The following SHTN1 variants were observed in gnomAD, a reference collection of about 807,000 sequenced individuals.
SHTN1 encodes the protein shootin-1.
In SHTN1, 42 loss-of-function variants were observed where a neutral mutation model predicts 83.1. The ratio of observed to expected loss-of-function variants is 0.51; its 90% confidence interval spans 0.39 to 0.65. The LOEUF (loss-of-function observed/expected upper bound fraction) is 0.65. SHTN1 is among the 30% of genes least tolerant of loss of function. The pLI, the probability that SHTN1 is intolerant of heterozygous loss-of-function variation, is 0.00. For synonymous variants in SHTN1, 224 were observed against 247.7 expected, an observed-to-expected ratio of 0.90 and a Z score of 0.90; for missense variants, 622 against 737.8, an observed-to-expected ratio of 0.84 and a Z score of 1.82.
chr10:116,904,437 C>CTT (rs779336840), intron 15 of SHTN1, among the ~76,000 whole-genome samples: 3 of 144,810 alleles, frequency 2.1e-5, no homozygotes, highest in Non-Finnish European at 3.0e-5. Context: ...TGTTTCCTTC[C>CTT]TTTTTTTTTT....
intron 1 of SHTN1, among the ~76,000 whole-genome samples, chr10:117,060,482 T>G (rs942903562): frequency 3.3e-5 from 5 of 152,192 alleles, no homozygotes; most frequent in African/African-American, 9.6e-5. Flanking sequence ...TCAATAAATT[T>G]AGAATTATTT....
rs146985126 is a variant in SHTN1 at position 117,012,094 on chromosome 10, G to A, written c.-122-32786C>T. ...GTGGAGCTTGCAGTGAGCCGAGATC[G>A]CGCCACTGCATTCCAGCCTGGGCGA... is the stretch of plus-strand genomic sequence containing the variant. On this transcript the variant is annotated intron_variant, in intron 2 of 17. Coordinates refer to the SHTN1 transcript ENST00000392901. 6.8e-4 allele frequency among the ~76,000 whole-genome samples: 102 copies of A among 149,468 alleles called. No homozygotes were observed. In the East Asian group the frequency reaches 0.018, roughly 27 times the overall value.
intron 1 of SHTN1, among the ~76,000 whole-genome samples, chr10:117,126,151 T>G (rs540385517): frequency 5.9e-5 from 9 of 152,222 alleles, no homozygotes; most frequent in Middle Eastern, 3.4e-3. Context: ...TTCCCGCCGC[T>G]CCACTGCCTT....
At chr10:117,095,783 T>A (rs1853495947) in intron 1 of SHTN1, among the ~76,000 whole-genome samples, 1 of 152,224 alleles carries the variant, frequency 6.6e-6, no homozygotes. Flanking sequence ...TTCAGGTCTC[T>A]TTTTCTTTTC....
intron 1 of SHTN1, among the ~76,000 whole-genome samples, chr10:117,089,864 A>G (rs1853403202): frequency 6.6e-6 from 1 of 152,192 alleles, no homozygotes; most frequent in Admixed American, 6.5e-5. Flanking sequence ...ACAATGAAAC[A>G]CCACCTCATA....
At chr10:116,966,624 T>TA (rs1054761023) in intron 3 of SHTN1, among the ~76,000 whole-genome samples, 10 of 152,208 alleles carry the variant, frequency 6.6e-5, no homozygotes, top group African/African-American at 2.4e-4. Context: ...AAGCAGAATT[T>TA]AAATGTTACT....
At chr10:116,992,865 TTCTC>T (rs971581139) in intron 1 of SHTN1, among the ~76,000 whole-genome samples, 8 of 152,098 alleles carry the variant, frequency 5.3e-5, no homozygotes, top group African/African-American at 1.7e-4. Flanking sequence ...GGCCTCTTTG[TTCTC>T]TCTATTGGAT....
intron 1 of SHTN1, among the ~76,000 whole-genome samples, chr10:117,098,932 C>T (rs1021966408): frequency 6.7e-6 from 1 of 149,400 alleles, no homozygotes; most frequent in African/African-American, 2.5e-5. Flanking sequence ...TTATAAAGAC[C>T]TTAACAGTAC....
intron 13 of SHTN1, among the ~76,000 whole-genome samples, chr10:116,914,803 G>A (rs1343952883): frequency 6.6e-6 from 1 of 152,182 alleles, no homozygotes; most frequent in Non-Finnish European, 1.5e-5. Flanking sequence ...TGGAGTGCTC[G>A]CTGTGGTCTA....
At chr10:117,062,248 ATTTAT>A (rs2133596260) in intron 1 of SHTN1, among the ~76,000 whole-genome samples, 1 of 152,364 alleles carries the variant, frequency 6.6e-6, no homozygotes, top group African/African-American at 2.4e-5. Context: ...GAATGATATG[ATTTAT>A]AGGTAAAAGT....
At chr10:117,082,687 C>T (rs1374293134) in intron 1 of SHTN1, among the ~76,000 whole-genome samples, 3 of 149,892 alleles carry the variant, frequency 2.0e-5, no homozygotes, top group African/African-American at 2.4e-5. Flanking sequence ...CTTTGTAGGT[C>T]ACTCAGGACT....
chr10:116,911,499 CCA>C (rs1304914211), intron 14 of SHTN1: 1 of 1,550,414 alleles, frequency 6.4e-7, no homozygotes, highest in African/African-American at 1.4e-5. Context: ...ATATGGCCAG[CCA>C]CTTCATCTTC....
At chr10:116,908,038 T>TAC (rs1362252364) in intron 14 of SHTN1, 2 of 445,236 alleles carry the variant, frequency 4.5e-6, no homozygotes, top group African/African-American at 4.1e-5. Context: ...ATCAGATGGT[T>TAC]ACAAATCTCA....
intron 16 of SHTN1, among the ~76,000 whole-genome samples, chr10:116,889,593 G>T (rs555177021): frequency 1.3e-5 from 2 of 152,236 alleles, no homozygotes; most frequent in Admixed American, 6.5e-5. Flanking sequence ...GCATGAAGAG[G>T]GGAAGGAACT....
intron 16 of SHTN1, among the ~76,000 whole-genome samples, chr10:116,895,668 T>A (rs1847492982): frequency 2.6e-5 from 4 of 152,208 alleles, no homozygotes; most frequent in Admixed American, 2.6e-4. Context: ...GAAGGAATCT[T>A]ATGGTCATTC....
intron 1 of SHTN1, among the ~76,000 whole-genome samples, chr10:117,087,529 C>T (rs1210888307): frequency 6.6e-6 from 1 of 152,048 alleles, no homozygotes; most frequent in Non-Finnish European, 1.5e-5. Flanking sequence ...GTTAGTTATA[C>T]ACATACAAAA....
chr10:116,892,359 C>T (rs1383013861), intron 16 of SHTN1, among the ~76,000 whole-genome samples: 1 of 152,208 alleles, frequency 6.6e-6, no homozygotes, highest in Non-Finnish European at 1.5e-5. Flanking sequence ...ACGATTTCAG[C>T]TCGGCCAAAG....
At chr10:117,113,755 G>A (rs1217400143) in intron 1 of SHTN1, among the ~76,000 whole-genome samples, 1 of 152,236 alleles carries the variant, frequency 6.6e-6, no homozygotes, top group East Asian at 1.9e-4. Context: ...CAATTAAAAA[G>A]TCAGCTGGGG....
At chr10:117,069,983 G>A (rs2133602338) in intron 1 of SHTN1, among the ~76,000 whole-genome samples, 1 of 152,234 alleles carries the variant, frequency 6.6e-6, no homozygotes, top group Non-Finnish European at 1.5e-5. Flanking sequence ...TTGGAATTCA[G>A]AAACCCATTA....
Sources: allele counts gnomAD v4.1 joint callset (sites outside exome capture counted in the v4.1 genomes callset), GRCh38; gene constraint gnomAD v4.1.1; transcripts MANE v1.5; gene names NCBI Gene and HGNC (gene_info 2026-07-23, HGNC 2026-07-21).